The following CLMP variants were observed in gnomAD, a reference collection of about 807,000 sequenced individuals.
The protein encoded by CLMP is CXADR-like membrane protein.
CLMP carries 27 observed loss-of-function variants against 45.2 expected under a neutral mutation model. That is an observed-to-expected ratio of 0.60 (90% confidence interval 0.44 to 0.82). The LOEUF is 0.82. Among genes scored for constraint, CLMP ranks in the 40% least tolerant of loss-of-function variants. The pLI is 0.00. For missense variants in CLMP, 403 were observed against 448.4 expected (o/e 0.90, Z 0.91); for synonymous variants, 167 against 171.4 (o/e 0.97, Z 0.20).
chr11:123,123,573 T>C (rs1468916405), intron 1 of CLMP, among the ~76,000 whole-genome samples: 2 of 152,034 alleles, frequency 1.3e-5, no homozygotes, highest in Non-Finnish European at 2.9e-5. Flanking sequence ...TTTTTGTACA[T>C]GAGAAATTGG....
intron 1 of CLMP, chr11:123,136,086 C>T (rs969603996): frequency 8.2e-6 from 5 of 609,278 alleles, no homozygotes; most frequent in African/African-American, 7.4e-5. Context: ...TTTTTCAACT[C>T]TCTTCCAGTT....
intron 1 of CLMP, among the ~76,000 whole-genome samples, chr11:123,167,050 G>A (rs1284992739): frequency 2.0e-5 from 3 of 152,220 alleles, no homozygotes; most frequent in Non-Finnish European, 2.9e-5. Flanking sequence ...CATGGCACTA[G>A]GTACCTTGGG....
chr11:123,093,920 C>T (rs532779662), intron 2 of CLMP, among the ~76,000 whole-genome samples: 6 of 152,188 alleles, frequency 3.9e-5, no homozygotes, highest in East Asian at 3.9e-4. Context: ...GCAGAGCAGT[C>T]GTAAAACTGC....
At chr11:123,139,735 G>A (rs1218065106) in intron 1 of CLMP, among the ~76,000 whole-genome samples, 1 of 152,132 alleles carries the variant, frequency 6.6e-6, no homozygotes, top group Non-Finnish European at 1.5e-5. Flanking sequence ...AGAATTGTTT[G>A]AACCTGGCAG....
chr11:123,113,214 G>A lies in CLMP; in HGVS notation c.29-15262C>T, dbSNP rs116260863. On this transcript the variant is annotated intron_variant, in intron 1 of 6. Transcript: ENST00000448775. ...TTGACAAAATAATTGGCACCCAGAG[G>A]TGAGTAACCTGGAGTGCATATTTGT... Among the ~76,000 whole-genome samples the A allele has an allele frequency of 8.4e-3, 1,286 of 152,298 alleles. 13 individuals carry two copies. The highest frequency in any genetic ancestry group is 0.029 in the African/African-American group (1,195 of 41,562).
chr11:123,078,582 G>A (rs1161197425), intron 5 of CLMP, among the ~76,000 whole-genome samples: 1 of 151,822 alleles, frequency 6.6e-6, no homozygotes, highest in East Asian at 1.9e-4. Context: ...GAGTAGCTGG[G>A]ATTAGAGGTG....
At chr11:123,119,004 TCTC>T (rs1860768744) in intron 1 of CLMP, among the ~76,000 whole-genome samples, 4 of 27,436 alleles carry the variant, frequency 1.5e-4, no homozygotes, top group African/African-American at 4.0e-4. Flanking sequence ...TTTCTTTCTC[TCTC>T]TCTCTCTCTC....
chr11:123,074,243 T>C (rs1383898458), intron 6 of CLMP, among the ~76,000 whole-genome samples: 1 of 150,466 alleles, frequency 6.6e-6, no homozygotes, highest in Non-Finnish European at 1.5e-5. Context: ...GGTGCAATCA[T>C]GGCTCACTGT....
intron 6 of CLMP, 85 bp from the exon 7 acceptor site, chr11:123,073,859 C>CT: frequency 7.1e-7 from 1 of 1,402,354 alleles, no homozygotes; most frequent in South Asian, 1.4e-5. Context: ...GTTTCCGAAG[C>CT]TGTGAACCTC....
intron 1 of CLMP, among the ~76,000 whole-genome samples, chr11:123,114,320 G>C (rs1860688596): frequency 1.3e-5 from 2 of 152,116 alleles, no homozygotes; most frequent in South Asian, 2.1e-4. Context: ...ATAACGAAGA[G>C]AGAAGATGAC....
intron 1 of CLMP, among the ~76,000 whole-genome samples, chr11:123,192,409 G>A (rs1394485274): frequency 1.3e-5 from 2 of 152,200 alleles, no homozygotes; most frequent in African/African-American, 4.8e-5. Flanking sequence ...GAGGTTGCCA[G>A]ACTCTTAAGT....
intron 1 of CLMP, among the ~76,000 whole-genome samples, chr11:123,175,666 T>C (rs1457153789): frequency 6.6e-6 from 1 of 152,204 alleles, no homozygotes; most frequent in Non-Finnish European, 1.5e-5. Context: ...TTTGAAGTAT[T>C]TTAGCTTTGG....
chr11:123,156,247 CTGAAT>C (rs1555085260), intron 1 of CLMP, among the ~76,000 whole-genome samples: 1 of 152,188 alleles, frequency 6.6e-6, no homozygotes, highest in Non-Finnish European at 1.5e-5. Context: ...TCACCTGACA[CTGAAT>C]TTGTCAGCAC....
At chr11:123,135,550 AT>A (rs138293105) in intron 1 of CLMP, among the ~76,000 whole-genome samples, 7 of 151,814 alleles carry the variant, frequency 4.6e-5, no homozygotes, top group East Asian at 1.9e-4. Context: ...TAGTATTTCT[AT>A]TTTTTTTCAC....
At chr11:123,188,394 C>T (rs558594496) in intron 1 of CLMP, among the ~76,000 whole-genome samples, 2 of 152,116 alleles carry the variant, frequency 1.3e-5, no homozygotes, top group East Asian at 3.9e-4. Context: ...TCATCCCCTA[C>T]AGTCTCTGTG....
chr11:123,154,427 C>T (rs1209257569), intron 1 of CLMP, among the ~76,000 whole-genome samples: 2 of 152,198 alleles, frequency 1.3e-5, no homozygotes, highest in African/African-American at 4.8e-5. Context: ...TGTTGATGAG[C>T]CACATTTAGG....
chr11:123,176,556 C>T (rs1401405582), intron 1 of CLMP, among the ~76,000 whole-genome samples: 1 of 152,172 alleles, frequency 6.6e-6, no homozygotes, highest in Non-Finnish European at 1.5e-5. Context: ...GCTGAGATTC[C>T]ACCCCCATGC....
chr11:123,145,931 C>T (rs1861232939), intron 1 of CLMP, among the ~76,000 whole-genome samples: 2 of 152,330 alleles, frequency 1.3e-5, no homozygotes, highest in Middle Eastern at 3.4e-3. Context: ...ATAGCCCTCC[C>T]TGGAGGGGAA....
intron 1 of CLMP, among the ~76,000 whole-genome samples, chr11:123,153,035 T>A (rs1354992270): frequency 6.6e-6 from 1 of 152,004 alleles, no homozygotes; most frequent in East Asian, 1.9e-4. Flanking sequence ...TTCCTAAAGG[T>A]TTCCTTAGGA....
Sources: allele counts gnomAD v4.1 joint callset (sites outside exome capture counted in the v4.1 genomes callset), GRCh38; gene constraint gnomAD v4.1.1; transcripts MANE v1.5; gene names NCBI Gene and HGNC (gene_info 2026-07-23, HGNC 2026-07-21).